PTPRN2: variants seen among roughly 807,000 people sequenced by gnomAD.
PTPRN2 encodes protein tyrosine phosphatase receptor type N2.
Under a neutral mutation model 118.8 loss-of-function variants are expected in PTPRN2, and 74 were observed. The observed-to-expected ratio is 0.62, with a 90% CI of 0.52 to 0.76. The LOEUF is 0.76. PTPRN2 is among the 30% of genes least tolerant of loss of function. PTPRN2 has a pLI of 0.00. For synonymous variants in PTPRN2, 641 were observed against 608.0 expected, an observed-to-expected ratio of 1.05 and a Z score of -0.80; for missense variants, 1,481 against 1,394.4, an observed-to-expected ratio of 1.06 and a Z score of -0.99.
At position 157,539,882 on chromosome 7, in the gene PTPRN2, ATTTG is replaced by A. The variant is rs1308107244; in HGVS notation, c.*828_*831del. On this transcript the variant is annotated 3_prime_UTR_variant, in exon 23 of 23. Transcript: ENST00000389418. ...CCCTCATAGCTTGCTCAATGCCCAG[ATTTG>A]TTCTTCCTGGTTGTGGTTATCTCAC... The A allele has an allele frequency of 1.3e-5, 2 of 152,318 alleles. No individual in the cohort carries two copies. The highest frequency in any genetic ancestry group is 3.9e-4 in the East Asian group (2 of 5,184). 9.4% of individuals were successfully genotyped at this position (152,318 alleles called of 1,614,324 possible). A position where few individuals can be genotyped will look rare whatever the true frequency, so the allele number is the denominator to read the frequency against.
At chr7:158,005,069 G>A (rs1033909130) in intron 11 of PTPRN2, among the ~76,000 whole-genome samples, 29 of 136,980 alleles carry the variant, frequency 2.1e-4, no homozygotes, top group African/African-American at 6.9e-4. Flanking sequence ...GAGCTGTGTG[G>A]CCACTATTTT....
chr7:158,136,659 T>C lies in PTPRN2; in HGVS notation c.1169A>G (p.Gln390Arg). ...ACACCAGAGACGTCATCTTACCTCT[T>C]GGTAAAGTCTATCATCGTCGTCCTG... ...GVQDDDDRLY[Q>R]EVHRLSATLG... The change falls in exon 8 of 23, where the codon CAA becomes CGA. Residue 390 changes from glutamine (Q) to arginine (R), a missense_variant. Physicochemically the swap from Gln to Arg is conservative, Grantham distance 43. Coordinates refer to ENST00000389418, the MANE Select transcript of PTPRN2 (RefSeq NM_002847.5). The C allele has an allele frequency of 6.2e-7, 1 of 1,613,516 alleles. No homozygotes were observed. Among genetic ancestry groups the C allele is most frequent in the South Asian group, 1.1e-5 (1 of 91,046 alleles).
chr7:158,514,722 T>A (rs561263628), intron 1 of PTPRN2, among the ~76,000 whole-genome samples: 3 of 152,234 alleles, frequency 2.0e-5, no homozygotes, highest in Non-Finnish European at 4.4e-5. Context: ...TTTTCGTTAC[T>A]TAAGCTAATG....
At chr7:157,696,628 GCATACTGGGTCTTAGTAGAGCCCTCACCA>G (rs1797790413) in intron 12 of PTPRN2, among the ~76,000 whole-genome samples, 1 of 146,120 alleles carries the variant, frequency 6.8e-6, no homozygotes, top group African/African-American at 2.5e-5. Context: ...ATCTACCCAT[GCATACTGGGTCTTAGTAGAGCCCTCACCA>G]TCTACCTATG....
At chr7:158,330,633 T>C (rs200157074) in intron 2 of PTPRN2, among the ~76,000 whole-genome samples, 2,208 of 18,860 alleles carry the variant, frequency 0.12, 6 homozygotes, top group African/African-American at 0.14. Context: ...AGAGGTGACA[T>C]CTGCAGACGT....
chr7:158,573,312 G>A (rs968911438), intron 1 of PTPRN2, among the ~76,000 whole-genome samples: 66 of 152,318 alleles, frequency 4.3e-4, no homozygotes, highest in African/African-American at 1.6e-3. Context: ...AACTTTGGGT[G>A]CTGAGGAGGC....
intron 12 of PTPRN2, among the ~76,000 whole-genome samples, chr7:157,731,877 C>T (rs373605244): frequency 0.024 from 470 of 19,450 alleles, no homozygotes; most frequent in Middle Eastern, 0.077. Flanking sequence ...CTCTTTTCCG[C>T]CCCATGCGCC....
chr7:158,528,481 G>A (rs1481478808), intron 1 of PTPRN2, among the ~76,000 whole-genome samples: 1 of 152,076 alleles, frequency 6.6e-6, no homozygotes, highest in African/African-American at 2.4e-5. Context: ...CTACATTTCA[G>A]CTGATTTAGA....
intron 11 of PTPRN2, among the ~76,000 whole-genome samples, chr7:158,025,887 G>A (rs1049871434): frequency 1.2e-4 from 18 of 152,240 alleles, no homozygotes; most frequent in Admixed American, 2.0e-4. Flanking sequence ...TTGCTCTTCC[G>A]TTTACGTTCT....
chr7:158,505,452 A>G (rs375327344), intron 1 of PTPRN2, among the ~76,000 whole-genome samples: 3 of 152,330 alleles, frequency 2.0e-5, no homozygotes, highest in Middle Eastern at 3.4e-3. Context: ...CTAATCATGC[A>G]CAATGGAACA....
chr7:157,971,020 A>G (rs190594655), intron 11 of PTPRN2, among the ~76,000 whole-genome samples: 6 of 152,280 alleles, frequency 3.9e-5, no homozygotes, highest in Admixed American at 3.9e-4. Context: ...AATCCTAGAG[A>G]AAGTTCACCA....
intron 10 of PTPRN2, among the ~76,000 whole-genome samples, chr7:158,092,219 C>A (rs1034576652): frequency 6.9e-6 from 1 of 145,794 alleles, no homozygotes; most frequent in Non-Finnish European, 1.5e-5. Context: ...TATATATATA[C>A]ACACATATAT....
intron 11 of PTPRN2, among the ~76,000 whole-genome samples, chr7:157,963,489 T>G (rs888151408): frequency 6.6e-6 from 1 of 152,264 alleles, no homozygotes; most frequent in Non-Finnish European, 1.5e-5. Context: ...TTAAAAGTAA[T>G]CACATAGATA....
chr7:158,071,729 C>T (rs1243059904), intron 11 of PTPRN2, among the ~76,000 whole-genome samples: 98 of 98,054 alleles, frequency 1.0e-3, no homozygotes, highest in African/African-American at 1.4e-3. Context: ...TGGAGGTGCT[C>T]GTGGTGGTGG....
chr7:157,714,235 TGACAGAC>T (rs1349623126), intron 12 of PTPRN2, among the ~76,000 whole-genome samples: 1 of 152,242 alleles, frequency 6.6e-6, no homozygotes, highest in Non-Finnish European at 1.5e-5. Context: ...TCACTGAGTT[TGACAGAC>T]ACAGTGTATG....
At chr7:157,757,070 A>G (rs936801920) in intron 12 of PTPRN2, among the ~76,000 whole-genome samples, 2 of 152,318 alleles carry the variant, frequency 1.3e-5, no homozygotes, top group East Asian at 3.9e-4. Flanking sequence ...TGGATGGACT[A>G]TGGTATGCTA....
chr7:158,041,814 G>T (rs1026472299), intron 11 of PTPRN2, among the ~76,000 whole-genome samples: 1 of 152,182 alleles, frequency 6.6e-6, no homozygotes, highest in African/African-American at 2.4e-5. Context: ...TCTGAGGCCA[G>T]CTCTAAGTCT....
intron 2 of PTPRN2, among the ~76,000 whole-genome samples, chr7:158,383,358 C>T (rs551001845): frequency 6.6e-6 from 1 of 152,276 alleles, no homozygotes; most frequent in Admixed American, 6.5e-5. Flanking sequence ...CAGAACAGAG[C>T]AATCATGCAC....
chr7:157,907,828 A>T (rs956158316), intron 11 of PTPRN2, among the ~76,000 whole-genome samples: 9 of 152,004 alleles, frequency 5.9e-5, no homozygotes, highest in Non-Finnish European at 1.2e-4. Flanking sequence ...CCTGACTGGC[A>T]TCTGTTCACT....
Sources: gnomAD v4.1 joint callset for allele counts (sites outside exome capture counted in the v4.1 genomes callset) on GRCh38, gnomAD v4.1.1 for gene constraint, MANE v1.5 for transcripts, NCBI Gene and HGNC (gene_info 2026-07-23, HGNC 2026-07-21) for gene names.